The following EYS variants were observed in gnomAD, a reference collection of about 807,000 sequenced individuals.
EYS encodes EGF-like photoreceptor maintenance factor, also known as protein eyes shut homolog.
In EYS, 250 loss-of-function variants were observed where a neutral mutation model predicts 282.1. That is an observed-to-expected ratio of 0.89 (90% CI 0.80 to 0.98). The LOEUF (loss-of-function observed/expected upper bound fraction) is 0.98, where lower values mean the gene tolerates loss of function less well. Among genes scored for constraint, EYS ranks in the 50% least tolerant of loss-of-function variants. The pLI is 0.00. For synonymous variants in EYS, 1,355 were observed against 1,282.9 expected (o/e 1.06, Z -1.20); for missense variants, 4,016 against 3,709.0 (o/e 1.08, Z -2.15).
At chr6:65,354,520 GA>G (rs561201846) in intron 8 of EYS, among the ~76,000 whole-genome samples, 7,576 of 147,734 alleles carry the variant, frequency 0.051, 579 homozygotes, top group African/African-American at 0.17. Flanking sequence ...TAAATGTGAG[GA>G]AAAAAAAAAA....
intron 8 of EYS, among the ~76,000 whole-genome samples, chr6:65,371,566 G>A (rs1582201122): frequency 6.6e-6 from 1 of 151,864 alleles, no homozygotes; most frequent in African/African-American, 2.4e-5. Flanking sequence ...GTTCTTATGG[G>A]AACTTCCAGG....
At chr6:65,440,850 T>C (rs1246396635) in intron 5 of EYS, among the ~76,000 whole-genome samples, 2 of 146,978 alleles carry the variant, frequency 1.4e-5, no homozygotes, top group Non-Finnish European at 3.0e-5. Flanking sequence ...TATGTGTATA[T>C]ATATATATAT....
At chr6:64,161,679 G>A (rs1268952288) in intron 31 of EYS, among the ~76,000 whole-genome samples, 1 of 152,064 alleles carries the variant, frequency 6.6e-6, no homozygotes, top group Admixed American at 6.5e-5. Flanking sequence ...AATAGAAAAT[G>A]AACAATTATT....
chr6:64,399,808 C>A (rs906868601), intron 28 of EYS, among the ~76,000 whole-genome samples: 2 of 151,820 alleles, frequency 1.3e-5, no homozygotes, highest in African/African-American at 4.8e-5. Flanking sequence ...ACAAAAATAT[C>A]TCTTATATTT....
At chr6:65,573,980 C>A (rs978632580) in intron 2 of EYS, among the ~76,000 whole-genome samples, 1 of 152,136 alleles carries the variant, frequency 6.6e-6, no homozygotes, top group Non-Finnish European at 1.5e-5. Context: ...ACTGTGCATG[C>A]CTATTCTGTC....
chr6:64,270,964 C>T (rs764742211), intron 30 of EYS, among the ~76,000 whole-genome samples: 2 of 152,204 alleles, frequency 1.3e-5, no homozygotes, highest in Non-Finnish European at 2.9e-5. Flanking sequence ...CAATTAACAA[C>T]ATTCCTAAGA....
At chr6:65,604,987 A>G (rs354401) in intron 2 of EYS, among the ~76,000 whole-genome samples, 116,289 of 150,046 alleles carry the variant, frequency 0.78, 45,196 homozygotes, top group Middle Eastern at 0.82. Context: ...GGGACTAAAC[A>G]TATGGCCGAC....
chr6:63,730,675 A>G (rs1768760384), intron 41 of EYS, among the ~76,000 whole-genome samples: 1 of 152,200 alleles, frequency 6.6e-6, no homozygotes, highest in South Asian at 2.1e-4. Context: ...GATTAATTAT[A>G]CCACAATTTA....
chr6:64,698,267 A>G (rs1381533701), intron 22 of EYS, among the ~76,000 whole-genome samples: 1 of 152,134 alleles, frequency 6.6e-6, no homozygotes, highest in African/African-American at 2.4e-5. Context: ...CATTACCTCA[A>G]TGAACTAAAA....
At chr6:63,747,002 C>T (rs990307874) in intron 41 of EYS, among the ~76,000 whole-genome samples, 5 of 152,112 alleles carry the variant, frequency 3.3e-5, no homozygotes, top group Non-Finnish European at 5.9e-5. Flanking sequence ...TCTTGCTTCT[C>T]CTGTTCTTTT....
chr6:63,939,216 C>A (rs981987958), intron 35 of EYS, among the ~76,000 whole-genome samples: 8 of 151,296 alleles, frequency 5.3e-5, no homozygotes, highest in African/African-American at 1.9e-4. Context: ...CTCAGTATCT[C>A]TAAAATTACT....
intron 22 of EYS, among the ~76,000 whole-genome samples, chr6:64,627,653 C>T (rs900250950): frequency 6.6e-6 from 1 of 152,112 alleles, no homozygotes; most frequent in Non-Finnish European, 1.5e-5. Flanking sequence ...AAATTAAGTT[C>T]TGTTTTTCAC....
At chr6:64,038,246 T>C (rs1163263906) in intron 33 of EYS, among the ~76,000 whole-genome samples, 1 of 152,140 alleles carries the variant, frequency 6.6e-6, no homozygotes, top group African/African-American at 2.4e-5. Context: ...AGGAGGTCTA[T>C]TTCACAGCAT....
In EYS at chr6:63,871,081, C is replaced by G. The variant is rs145446860; in HGVS notation, c.7056-6723G>C. On this transcript the variant is annotated intron_variant, in intron 35 of 42. Transcript: ENST00000503581. Reference sequence around the variant, plus strand: ...ATCTCTTCCAGCACTTATTCTCCATCCTTTTTTCCTCTTACCCCAATTCCC... The same window carrying G: ...ATCTCTTCCAGCACTTATTCTCCATGCTTTTTTCCTCTTACCCCAATTCCC... 7.6e-3 allele frequency among the ~76,000 whole-genome samples: 1,158 copies of G among 152,290 alleles called. 18 individuals are homozygous for G. Among genetic ancestry groups the G allele is most frequent in the African/African-American group, 0.026 (1,084 of 41,578 alleles).
intron 9 of EYS, among the ~76,000 whole-genome samples, chr6:65,346,607 A>G (rs1026188440): frequency 6.6e-6 from 1 of 151,862 alleles, no homozygotes; most frequent in Non-Finnish European, 1.5e-5. Flanking sequence ...CGAGGGGATC[A>G]ATTTAGGAGA....
chr6:63,727,380 C>T (rs1304822348), intron 41 of EYS, among the ~76,000 whole-genome samples: 5 of 151,948 alleles, frequency 3.3e-5, no homozygotes, highest in African/African-American at 7.3e-5. Context: ...CGTATGCTAA[C>T]GGCTCCTTTT....
chr6:64,319,266 T>C (rs1391090176), intron 29 of EYS, among the ~76,000 whole-genome samples: 1 of 152,060 alleles, frequency 6.6e-6, no homozygotes, highest in Admixed American at 6.6e-5. Context: ...ATCTTTATTG[T>C]AGATTTATTA....
At chr6:64,764,372 C>T (rs1046889562) in intron 22 of EYS, among the ~76,000 whole-genome samples, 1 of 152,226 alleles carries the variant, frequency 6.6e-6, no homozygotes, top group African/African-American at 2.4e-5. Context: ...GGGGCTTGTA[C>T]CCTTTGAAGC....
At chr6:64,325,768 C>A (rs1770392624) in intron 29 of EYS, among the ~76,000 whole-genome samples, 1 of 152,060 alleles carries the variant, frequency 6.6e-6, no homozygotes, top group South Asian at 2.1e-4. Context: ...ATGCAAAATT[C>A]TCTGGAAAGT....
Sources: allele counts gnomAD v4.1 joint callset (sites outside exome capture counted in the v4.1 genomes callset), GRCh38; gene constraint gnomAD v4.1.1; transcripts MANE v1.5; gene names NCBI Gene and HGNC (gene_info 2026-07-23, HGNC 2026-07-21).